The following TMEM245 variants were observed in gnomAD, a reference collection of about 807,000 sequenced individuals.
The protein encoded by TMEM245 is transmembrane protein 245.
A neutral mutation model predicts 101.2 loss-of-function variants in TMEM245; 69 were observed. That is an observed-to-expected ratio of 0.68 (90% CI 0.56 to 0.83). TMEM245 has a LOEUF of 0.83. Among genes scored for constraint, TMEM245 ranks in the 40% least tolerant of loss-of-function variants. The pLI, the probability that TMEM245 is intolerant of heterozygous loss-of-function variation, is 0.00. For missense variants in TMEM245, 1,075 were observed against 1,092.8 expected (o/e 0.98, Z 0.23); for synonymous variants, 537 against 449.8 (o/e 1.19, Z -2.45).
At chr9:109,064,395 A>G in intron 10 of TMEM245, 82 bp downstream of exon 10, 1 of 1,227,828 alleles carries the variant, frequency 8.1e-7, no homozygotes, top group Middle Eastern at 2.0e-4. Flanking sequence ...TAGCATTTCT[A>G]CTTATGTTTT....
intron 8 of TMEM245, among the ~76,000 whole-genome samples, chr9:109,079,914 A>C (rs674178): frequency 0.45 from 68,169 of 151,836 alleles, 15,620 homozygotes; most frequent in South Asian, 0.6. Flanking sequence ...TTAATATCCA[A>C]AGAACAGATA....
intron 5 of TMEM245, 143 bp downstream of exon 5, chr9:109,090,779 T>C (rs1829978240): frequency 2.8e-6 from 2 of 712,954 alleles, no homozygotes; most frequent in African/African-American, 1.8e-5. Context: ...CAAATGGTGT[T>C]TGTTTACTAT....
intron 1 of TMEM245, among the ~76,000 whole-genome samples, chr9:109,116,977 T>C (rs1288384724): frequency 6.6e-6 from 1 of 152,198 alleles, no homozygotes; most frequent in Non-Finnish European, 1.5e-5. Flanking sequence ...GAAGGTTCTT[T>C]CAAATTTAGC....
intron 1 of TMEM245, among the ~76,000 whole-genome samples, chr9:109,114,910 T>C (rs572168031): frequency 6.6e-6 from 1 of 152,306 alleles, no homozygotes; most frequent in South Asian, 2.1e-4. Context: ...CCTAACATAT[T>C]TGAAACTGCT....
chr9:109,079,835 G>C (rs1383539126), intron 8 of TMEM245, among the ~76,000 whole-genome samples: 2 of 151,980 alleles, frequency 1.3e-5, no homozygotes, highest in Admixed American at 1.3e-4. Context: ...CACAGTAGCA[G>C]GTTTAAGCAA....
chr9:109,096,273 T>A (rs911598097), intron 3 of TMEM245, among the ~76,000 whole-genome samples: 1 of 152,152 alleles, frequency 6.6e-6, no homozygotes, highest in African/African-American at 2.4e-5. Context: ...GGCCAGGAGT[T>A]CGAGACCAGC....
chr9:109,090,616 C>G (rs1382048110), intron 5 of TMEM245, among the ~76,000 whole-genome samples: 2 of 150,398 alleles, frequency 1.3e-5, no homozygotes, highest in Non-Finnish European at 1.5e-5. Flanking sequence ...CCCAGCTACT[C>G]GGGAGGCTGA....
At chr9:109,092,326 TA>T (rs5899835) in intron 4 of TMEM245, among the ~76,000 whole-genome samples, 146,236 of 152,316 alleles carry the variant, frequency 0.96, 70,255 homozygotes, top group East Asian at 1. Flanking sequence ...ATAATTTCCT[TA>T]AGTGTTTTTA....
At chr9:109,036,077 G>A in intron 16 of TMEM245, 129 bp downstream of exon 16, 2 of 569,398 alleles carry the variant, frequency 3.5e-6, no homozygotes, top group Non-Finnish European at 2.8e-6. Flanking sequence ...AACACAAAAG[G>A]CTATTTCACT....
intron 16 of TMEM245, among the ~76,000 whole-genome samples, chr9:109,034,308 C>T (rs1267080349): frequency 6.6e-6 from 1 of 152,154 alleles, no homozygotes; most frequent in African/African-American, 2.4e-5. Flanking sequence ...CAAAGTAAGA[C>T]TTGTGGAGAA....
chr9:109,119,781 G>T lies in TMEM245; in HGVS notation c.133C>A (p.Arg45Ser), dbSNP rs1182302716. ...ETPRTAALAL[R>S]FDKPIKQAFY... ...GCCTGCTTAATGGGCTTGTCGAAGC[G>T]CAGCGCCAGCGCCGCGGTCCGCGGG... Residue 45 changes from arginine to serine, a missense_variant, in exon 1 of 18, where the codon CGC becomes AGC. By Grantham distance (110) the Arg-to-Ser change is moderately radical. Transcript: ENST00000374586. 3 of 1,479,398 alleles carry T rather than the reference G, an allele frequency of 2.0e-6. No individual in the cohort carries two copies. Among genetic ancestry groups the T allele is most frequent in the Non-Finnish European group, 2.7e-6 (3 of 1,118,630 alleles). The allele number at this position is 1,479,398 out of a possible 1,614,324, so 91.6% of individuals were successfully genotyped here. A position where few individuals can be genotyped will look rare whatever the true frequency, so the allele number is the denominator to read the frequency against.
At chr9:109,108,793 T>C (rs898846821) in intron 1 of TMEM245, among the ~76,000 whole-genome samples, 4 of 152,168 alleles carry the variant, frequency 2.6e-5, no homozygotes, top group Non-Finnish European at 4.4e-5. Context: ...TATTAAATAG[T>C]TGTTTAACAA....
At chr9:109,052,345 G>C (rs951422338) in intron 12 of TMEM245, among the ~76,000 whole-genome samples, 5 of 152,258 alleles carry the variant, frequency 3.3e-5, no homozygotes, top group African/African-American at 1.2e-4. Context: ...TAGAAAACTT[G>C]CCCAAAGGCA....
intron 4 of TMEM245, 78 bp downstream of exon 4, chr9:109,093,397 G>T: frequency 1.7e-6 from 2 of 1,185,640 alleles, no homozygotes; most frequent in Non-Finnish European, 2.5e-6. Context: ...ATTTTGTGAT[G>T]CTGGTGTCCT....
chr9:109,113,380 A>C (rs979046405), intron 1 of TMEM245, among the ~76,000 whole-genome samples: 5 of 152,216 alleles, frequency 3.3e-5, no homozygotes, highest in African/African-American at 1.2e-4. Flanking sequence ...TCAAGTGTGA[A>C]TTTTATTCCA....
rs1330769718 is a variant in TMEM245 at position 109,018,610 on chromosome 9, A to G, written c.*1850T>C. The G allele has an allele frequency of 1.3e-5, 2 of 152,242 alleles. No individual in the cohort carries two copies. The highest frequency in any genetic ancestry group is 2.4e-5 in the African/African-American group (1 of 41,454). The allele number at this position is 152,242 out of a possible 1,614,324, so 9.4% of individuals were successfully genotyped here. A position where few individuals can be genotyped will look rare whatever the true frequency, so the allele number is the denominator to read the frequency against. ...GAAATTTTTCTTAAGTAGTGTAAGA[A>G]TAAATTTAAACTAATTATAATTATC... On this transcript the variant is annotated 3_prime_UTR_variant, in exon 18 of 18. Coordinates refer to ENST00000374586, the MANE Select transcript of TMEM245 (RefSeq NM_032012.4).
chr9:109,080,309 C>A (rs574267544), intron 8 of TMEM245, among the ~76,000 whole-genome samples: 13 of 151,982 alleles, frequency 8.6e-5, no homozygotes, highest in African/African-American at 3.1e-4. Context: ...TAAGAGATAT[C>A]ACTATAAAGA....
At chr9:109,029,741 C>T (rs543987621) in intron 17 of TMEM245, among the ~76,000 whole-genome samples, 2 of 152,276 alleles carry the variant, frequency 1.3e-5, no homozygotes, top group African/African-American at 4.8e-5. Flanking sequence ...GACCGCTGAA[C>T]AGCAAGCCAA....
chr9:109,090,694 C>T (rs1373677851), intron 5 of TMEM245, among the ~76,000 whole-genome samples: 3 of 146,970 alleles, frequency 2.0e-5, no homozygotes, highest in African/African-American at 7.5e-5. Context: ...ACTGCACTTC[C>T]AGCCTGGGCA....
Sources: allele counts gnomAD v4.1 joint callset (sites outside exome capture counted in the v4.1 genomes callset), GRCh38; gene constraint gnomAD v4.1.1; transcripts MANE v1.5; gene names NCBI Gene and HGNC (gene_info 2026-07-23, HGNC 2026-07-21).